Variants in ART1 observed in about 807,000 individuals in gnomAD.
ART1 encodes ADP-ribosyltransferase 1.
ART1 carries 29 observed loss-of-function variants against 27.0 expected under a neutral mutation model. That is an observed-to-expected ratio of 1.08 (90% CI 0.80 to 1.47). The LOEUF (loss-of-function observed/expected upper bound fraction) is 1.47, where lower values mean the gene tolerates loss of function less well. Among genes scored for constraint, ART1 ranks in the 40% most tolerant of loss-of-function variants. The pLI is 0.00. For missense variants in ART1, 480 were observed against 423.0 expected (o/e 1.13, Z -1.18); for synonymous variants, 201 against 172.2 (o/e 1.17, Z -1.31).
chr11:3,645,702 A>G (rs1018108010), intron 1 of ART1, among the ~76,000 whole-genome samples: 4 of 152,144 alleles, frequency 2.6e-5, no homozygotes, highest in Admixed American at 2.0e-4. Flanking sequence ...CCCTCAAGGA[A>G]CTCACTGGCC....
intron 1 of ART1, among the ~76,000 whole-genome samples, chr11:3,656,197 G>A (rs1160977281): frequency 2.6e-5 from 4 of 151,896 alleles, no homozygotes; most frequent in African/African-American, 7.3e-5. Flanking sequence ...GCCTCCCAGA[G>A]TGCTGGGATT....
intron 1 of ART1, among the ~76,000 whole-genome samples, chr11:3,650,924 C>T (rs986756069): frequency 3.4e-5 from 5 of 147,292 alleles, no homozygotes; most frequent in Admixed American, 2.9e-4. Context: ...CGCTCAATGC[C>T]AGTATCCCAT....
Position 3,660,332 on chromosome 11 carries a change from G to A in ART1, c.813G>A (p.Lys271=), listed in dbSNP as rs2077611510. ...PARIYLRALG[K]HSTYNCEYIK... ...GCATCTACCTCCGAGCCCTGGGCAA[G>A]CACAGCACCTACAACTGCGAGTACA... The change falls in exon 3 of 5, where the codon AAG becomes AAA. Residue 271 remains lysine, a synonymous_variant. Transcript: ENST00000250693. 1.2e-6 allele frequency: 2 copies of A among 1,605,146 alleles called. No individual in the cohort carries two copies. Among genetic ancestry groups the A allele is most frequent in the Non-Finnish European group, 1.7e-6 (2 of 1,179,888 alleles).
At chr11:3,655,266 G>T (rs1440643565) in intron 1 of ART1, among the ~76,000 whole-genome samples, 1 of 152,182 alleles carries the variant, frequency 6.6e-6, no homozygotes, top group Non-Finnish European at 1.5e-5. Flanking sequence ...CAAGTACATG[G>T]GTGCAGTGAG....
rs551573417 is a variant in ART1 at position 3,664,352 on chromosome 11, A to C, written c.*163A>C. The C allele has an allele frequency of 7.5e-6, 5 of 669,834 alleles. No individual in the cohort carries two copies. Among genetic ancestry groups the C allele is most frequent in the South Asian group, 7.2e-5 (4 of 55,686 alleles). 41.5% of individuals were successfully genotyped at this position (669,834 alleles called of 1,614,324 possible). On this transcript the variant is annotated 3_prime_UTR_variant, in exon 5 of 5. Coordinates refer to ENST00000250693, the MANE Select transcript of ART1 (RefSeq NM_004314.3). Reference sequence around the variant, plus strand: ...ACCGGCTGGTGGAGAAACAGGAGACAATCTGGGGACTGAACCTTACCCAGG... The same window carrying C: ...ACCGGCTGGTGGAGAAACAGGAGACCATCTGGGGACTGAACCTTACCCAGG...
chr11:3,660,451 C>T, intron 3 of ART1, 88 bp downstream of exon 3: 1 of 1,436,220 alleles, frequency 7.0e-7, no homozygotes, highest in Admixed American at 2.1e-5. Context: ...GCCCCTATCT[C>T]CTGTGTCCCA....
At chr11:3,662,619 C>T (rs1287263645) in intron 4 of ART1, among the ~76,000 whole-genome samples, 2 of 152,064 alleles carry the variant, frequency 1.3e-5, no homozygotes, top group Non-Finnish European at 2.9e-5. Flanking sequence ...CCAAGATGGG[C>T]AGATCACCTG....
chr11:3,654,905 T>G lies in ART1; in HGVS notation c.-52-4257T>G, dbSNP rs12295405. ...TCAAGCCTCTGATGTATCTTGTTTATTGTAGAGCAGATGCAGACAGAAACA... is the reference window on the plus strand; with the variant it reads ...TCAAGCCTCTGATGTATCTTGTTTAGTGTAGAGCAGATGCAGACAGAAACA... On this transcript the variant is annotated intron_variant, in intron 1 of 4. Coordinates refer to ENST00000250693, the MANE Select transcript of ART1 (RefSeq NM_004314.3). Among the ~76,000 whole-genome samples, 4 of 150,984 alleles carry G rather than the reference T, an allele frequency of 2.6e-5. No homozygotes were observed. In the South Asian group the frequency reaches 6.3e-4, roughly 24 times the overall value.
chr11:3,664,090 A>C lies in ART1; in HGVS notation c.887-2A>C, dbSNP rs1360741414. On this transcript the variant is annotated splice_acceptor_variant, in intron 4 of 4. Coordinates refer to ENST00000250693, the MANE Select transcript of ART1 (RefSeq NM_004314.3). LOFTEE classifies it high-confidence loss of function. ...CAACCTCTCTGCCTGTTTTCCCTGC[A>C]GCCATGGGTCAGAGCCCCCTCTCTG... 6.2e-7 allele frequency: 1 copy of C among 1,613,592 alleles called. No individual in the cohort carries two copies. Among genetic ancestry groups the C allele is most frequent in the Admixed American group, 1.7e-5 (1 of 59,998 alleles).
At chr11:3,649,303 C>T (rs368531762) in intron 1 of ART1, among the ~76,000 whole-genome samples, 42 of 152,324 alleles carry the variant, frequency 2.8e-4, no homozygotes, top group African/African-American at 9.4e-4. Flanking sequence ...ACAAACTCGA[C>T]AGTGGTTCCA....
intron 1 of ART1, among the ~76,000 whole-genome samples, chr11:3,656,444 G>A (rs927566132): frequency 6.6e-5 from 10 of 152,022 alleles, no homozygotes; most frequent in East Asian, 1.9e-4. Flanking sequence ...GTGCAATGGC[G>A]CAATCTTGGC....
chr11:3,653,407 C>A (rs1589919288), intron 1 of ART1, among the ~76,000 whole-genome samples: 1 of 148,168 alleles, frequency 6.7e-6, no homozygotes. Context: ...CTCATCCTGG[C>A]TCAAAAGCTC....
rs938829425 is a variant in ART1 at position 3,653,150 on chromosome 11, AC to A, written c.-52-6007del. Among the ~76,000 whole-genome samples the A allele has an allele frequency of 1.4e-5, 2 of 146,834 alleles. 1 individual carries two copies. The highest frequency in any genetic ancestry group is 5.3e-5 in the African/African-American group (2 of 37,628). ...ACATCGCCCATTATCTCTCCACACC[AC>A]CCCCAAAAATTTTCACCGTCCCAAC... On this transcript the variant is annotated intron_variant, in intron 1 of 4. Transcript: ENST00000250693.
In ART1 at chr11:3,648,662, G is replaced by A. The variant is rs182687101; in HGVS notation, c.-53+3483G>A. The stretch of plus-strand genomic sequence containing the variant: ...GGACTGGGAAGGCAGCCTTCCCTTG[G>A]TGTTTAATCATTGCAGGGACACCTC... On this transcript the variant is annotated intron_variant, in intron 1 of 4. Coordinates refer to ENST00000250693, the MANE Select transcript of ART1 (RefSeq NM_004314.3). Among the ~76,000 whole-genome samples, 474 of 152,322 alleles carry A rather than the reference G, an allele frequency of 3.1e-3. 3 individuals carry two copies. Among genetic ancestry groups the A allele is most frequent in the Middle Eastern group, 0.01 (3 of 294 alleles).
rs900074617 is a variant in ART1 at position 3,660,161 on chromosome 11, T to C, written c.642T>C (p.Gly214=). The C allele has an allele frequency of 1.9e-6, 3 of 1,613,872 alleles. No individual in the cohort carries two copies. In the African/African-American group the frequency reaches 4.0e-5, roughly 22 times the overall value. The change falls in exon 3 of 5, where the codon GGT becomes GGC. Residue 214 remains glycine (G), a synonymous_variant. Coordinates refer to ENST00000250693, the MANE Select transcript of ART1 (RefSeq NM_004314.3). The part of the protein sequence containing the change: ...SLKHVAAQQF[G]EDTFFGIWTC... The stretch of plus-strand genomic sequence containing the variant: ...AGCATGTTGCAGCCCAGCAGTTTGG[T>C]GAGGACACCTTCTTCGGCATCTGGA...
intron 2 of ART1, 43 bp from the exon 3 acceptor site, chr11:3,659,540 C>T: frequency 1.3e-6 from 2 of 1,540,648 alleles, no homozygotes; most frequent in Non-Finnish European, 1.7e-6. Context: ...CTCATTCTCC[C>T]AGGGGCCTAT....
Position 3,663,015 on chromosome 11 carries a change from A to ATCATCTCATCTCATCTCATCATC in ART1, c.887-1056_887-1034dup, listed in dbSNP as rs1564786887. On this transcript the variant is annotated intron_variant, in intron 4 of 4. Coordinates refer to ENST00000250693, the MANE Select transcript of ART1 (RefSeq NM_004314.3). ...CCCTCCCCAGACATCATCTCATCTC[A>ATCATCTCATCTCATCTCATCATC]TCATCTCATCTCATCTCATCATCTC... is the stretch of plus-strand genomic sequence containing the variant. 1.1e-4 allele frequency among the ~76,000 whole-genome samples: 14 copies of ATCATCTCATCTCATCTCATCATC among 133,090 alleles called. 1 individual carries two copies. The highest frequency in any genetic ancestry group is 3.5e-4 in the African/African-American group (12 of 34,318). 87.3% of individuals were successfully genotyped at this position (133,090 alleles called of 152,430 possible).
intron 4 of ART1, among the ~76,000 whole-genome samples, chr11:3,661,750 G>A (rs563792676): frequency 1.5e-4 from 23 of 151,992 alleles, no homozygotes; most frequent in Non-Finnish European, 2.2e-4. Context: ...CATCCACCTC[G>A]GCCTCCCAAA....
intron 1 of ART1, among the ~76,000 whole-genome samples, chr11:3,654,830 C>T (rs2077556742): frequency 6.6e-6 from 1 of 152,226 alleles, no homozygotes; most frequent in Admixed American, 6.5e-5. Flanking sequence ...TTCTCTTACT[C>T]AGGTCCACTA....
Sources: allele counts gnomAD v4.1 joint callset (sites outside exome capture counted in the v4.1 genomes callset), GRCh38; gene constraint gnomAD v4.1.1; transcripts MANE v1.5; gene names NCBI Gene and HGNC (gene_info 2026-07-23, HGNC 2026-07-21).